Variants in WWOX observed in about 807,000 individuals in gnomAD.
WWOX encodes the protein WW domain-containing oxidoreductase.
In WWOX, 69 loss-of-function variants were observed where a neutral mutation model predicts 46.2. That is an observed-to-expected ratio of 1.49 (90% CI 1.23 to 1.82). The LOEUF is 1.82. Ranked by LOEUF, WWOX falls within the 40% of genes most tolerant of loss-of-function variation. The pLI is 0.00. For synonymous variants in WWOX, 359 were observed against 202.6 expected, an observed-to-expected ratio of 1.77 and a Z score of -6.56; for missense variants, 919 against 542.6, an observed-to-expected ratio of 1.69 and a Z score of -6.89.
intron 8 of WWOX, among the ~76,000 whole-genome samples, chr16:79,066,984 C>G (rs1307072872): frequency 6.6e-6 from 1 of 152,188 alleles, no homozygotes; most frequent in Non-Finnish European, 1.5e-5. Flanking sequence ...TGAACTATCT[C>G]TGAAAGGGCA....
At chr16:78,842,726 C>A (rs2052191046) in intron 8 of WWOX, among the ~76,000 whole-genome samples, 1 of 152,070 alleles carries the variant, frequency 6.6e-6, no homozygotes, top group South Asian at 2.1e-4. Context: ...TCAACTCACA[C>A]CTGTAGCCGC....
chr16:78,358,561 G>A (rs1164365977), intron 5 of WWOX, among the ~76,000 whole-genome samples: 1 of 152,156 alleles, frequency 6.6e-6, no homozygotes, highest in Admixed American at 6.5e-5. Context: ...AGGAAGCTGA[G>A]GACTGAGAAT....
At chr16:78,555,414 C>A (rs2044270691) in intron 8 of WWOX, among the ~76,000 whole-genome samples, 1 of 152,088 alleles carries the variant, frequency 6.6e-6, no homozygotes. Flanking sequence ...GCATACAGAG[C>A]TGCAGCTTTG....
intron 8 of WWOX, among the ~76,000 whole-genome samples, chr16:79,013,627 C>A (rs2656658): frequency 1 from 152,168 of 152,176 alleles, 76,080 homozygotes; most frequent in Middle Eastern, 1. Context: ...TCCTGTGCTG[C>A]CTGGGTCCCG....
chr16:79,025,608 C>A (rs1359042112), intron 8 of WWOX, among the ~76,000 whole-genome samples: 3 of 152,126 alleles, frequency 2.0e-5, no homozygotes, highest in Admixed American at 6.5e-5. Context: ...CCAGAAGGAA[C>A]TAAGCCTTCT....
intron 8 of WWOX, among the ~76,000 whole-genome samples, chr16:78,682,267 T>C (rs1193295237): frequency 1.3e-5 from 2 of 152,222 alleles, no homozygotes; most frequent in Non-Finnish European, 2.9e-5. Context: ...ATCTTCTATT[T>C]AAACTAGTAA....
chr16:78,295,451 C>T (rs1198382003), intron 5 of WWOX, among the ~76,000 whole-genome samples: 1 of 152,170 alleles, frequency 6.6e-6, no homozygotes, highest in Non-Finnish European at 1.5e-5. Context: ...GTGGCTCACG[C>T]CTGTAATCCT....
At chr16:78,254,502 G>GGTTTTTTTTTTT (rs2038072724) in intron 5 of WWOX, among the ~76,000 whole-genome samples, 2 of 91,648 alleles carry the variant, frequency 2.2e-5, no homozygotes, top group African/African-American at 1.0e-4. Flanking sequence ...TTTCTTTCTT[G>GGTTTTTTTTTTT]TTTTTTTTTT....
intron 8 of WWOX, among the ~76,000 whole-genome samples, chr16:78,989,601 A>G (rs960308490): frequency 6.6e-6 from 1 of 152,162 alleles, no homozygotes; most frequent in South Asian, 2.1e-4. Flanking sequence ...TTTGGGGATA[A>G]ATACTGAGAC....
At chr16:78,897,525 A>T (rs2044731480) in intron 8 of WWOX, 1 of 152,022 alleles carries the variant, frequency 6.6e-6, no homozygotes, top group African/African-American at 2.4e-5. Context: ...TCAATGCTGG[A>T]TAGTATCCTG....
chr16:78,238,502 A>G (rs531674439), intron 5 of WWOX, among the ~76,000 whole-genome samples: 1 of 152,074 alleles, frequency 6.6e-6, no homozygotes, highest in African/African-American at 2.4e-5. Flanking sequence ...TTTCTCTACC[A>G]TGTTGGCCAG....
At chr16:78,516,415 T>C (rs893730823) in intron 8 of WWOX, among the ~76,000 whole-genome samples, 2 of 152,176 alleles carry the variant, frequency 1.3e-5, no homozygotes, top group Non-Finnish European at 2.9e-5. Context: ...ACTACAGATA[T>C]TCTGTTATTT....
At chr16:78,202,684 G>C (rs2036268741) in intron 5 of WWOX, among the ~76,000 whole-genome samples, 1 of 152,162 alleles carries the variant, frequency 6.6e-6, no homozygotes, top group African/African-American at 2.4e-5. Flanking sequence ...CCATTTGTCA[G>C]CAGTATTTAT....
intron 6 of WWOX, among the ~76,000 whole-genome samples, chr16:78,424,217 A>C (rs949765688): frequency 8.9e-5 from 13 of 145,726 alleles, no homozygotes; most frequent in African/African-American, 3.3e-4. Flanking sequence ...TCCTGGGTTC[A>C]AGTGATTCTC....
intron 8 of WWOX, among the ~76,000 whole-genome samples, chr16:78,837,256 C>G (rs1246252581): frequency 6.6e-6 from 1 of 152,172 alleles, no homozygotes; most frequent in African/African-American, 2.4e-5. Context: ...TATCACGGTT[C>G]ATAGAGATTA....
At chr16:79,166,067 A>G (rs1241602399) in intron 8 of WWOX, among the ~76,000 whole-genome samples, 2 of 152,272 alleles carry the variant, frequency 1.3e-5, no homozygotes, top group Non-Finnish European at 2.9e-5. Context: ...GCGTCCCAGC[A>G]GCATAGACCA....
intron 8 of WWOX, among the ~76,000 whole-genome samples, chr16:78,962,325 TTA>T (rs1190203605): frequency 0.092 from 6,936 of 75,732 alleles, 136 homozygotes; most frequent in Non-Finnish European, 0.12. Flanking sequence ...TTTTTTTTTT[TTA>T]AAAAAAAAAA....
At chr16:78,653,643 A>T (rs2047015784) in intron 8 of WWOX, among the ~76,000 whole-genome samples, 1 of 152,328 alleles carries the variant, frequency 6.6e-6, no homozygotes, top group East Asian at 1.9e-4. Context: ...TTAGTTGAAA[A>T]TGACCCTGTG....
intron 5 of WWOX, among the ~76,000 whole-genome samples, chr16:78,280,200 C>A (rs1278685094): frequency 6.6e-6 from 1 of 152,176 alleles, no homozygotes; most frequent in Non-Finnish European, 1.5e-5. Context: ...GTTTTTCTCC[C>A]CCACTTTTAA....
Sources: gnomAD v4.1 joint callset for allele counts (sites outside exome capture counted in the v4.1 genomes callset) on GRCh38, gnomAD v4.1.1 for gene constraint, MANE v1.5 for transcripts, NCBI Gene and HGNC (gene_info 2026-07-23, HGNC 2026-07-21) for gene names.